The following PTGER3 variants were observed in gnomAD, a reference collection of about 807,000 sequenced individuals.
The protein encoded by PTGER3 is prostaglandin E receptor 3.
A neutral mutation model predicts 34.7 loss-of-function variants in PTGER3; 22 were observed. The ratio of observed to expected loss-of-function variants is 0.63; its 90% confidence interval spans 0.45 to 0.91. The LOEUF (loss-of-function observed/expected upper bound fraction) is 0.91. Ranked by LOEUF, PTGER3 falls within the 40% of genes least tolerant of loss-of-function variation. The probability of loss-of-function intolerance (pLI) is 0.00; values close to 1 mark genes in which losing one functional copy is unlikely to be tolerated. For synonymous variants in PTGER3, 241 were observed against 230.1 expected, an observed-to-expected ratio of 1.05 and a Z score of -0.43; for missense variants, 468 against 519.4, an observed-to-expected ratio of 0.90 and a Z score of 0.96.
intron 4 of PTGER3, among the ~76,000 whole-genome samples, chr1:70,937,666 T>C (rs780512276): frequency 1.3e-5 from 2 of 152,190 alleles, no homozygotes; most frequent in African/African-American, 2.4e-5. Flanking sequence ...CACTCTCACA[T>C]AGAAAATCTA....
intron 4 of PTGER3, among the ~76,000 whole-genome samples, chr1:70,932,174 C>T (rs977017400): frequency 5.3e-5 from 8 of 152,150 alleles, no homozygotes; most frequent in Admixed American, 1.3e-4. Flanking sequence ...ACCTTTACTG[C>T]GGTTCCCAAC....
At chr1:71,020,195 C>T (rs1345367119) in intron 1 of PTGER3, among the ~76,000 whole-genome samples, 2 of 152,224 alleles carry the variant, frequency 1.3e-5, no homozygotes, top group Non-Finnish European at 2.9e-5. Context: ...GGATCCTAGA[C>T]TACTGTTTCA....
intron 4 of PTGER3, among the ~76,000 whole-genome samples, chr1:70,905,755 T>C (rs916574272): frequency 1.3e-5 from 2 of 152,134 alleles, no homozygotes; most frequent in East Asian, 3.8e-4. Context: ...AGATGAGACA[T>C]TGGACTGTGG....
chr1:70,952,960 G>A (rs776024733), exon 4 of PTGER3: 2 of 1,613,120 alleles, frequency 1.2e-6, no homozygotes, highest in African/African-American at 2.7e-5. Flanking sequence ...CTGCTCACGA[G>A]TACCTCCATT....
At chr1:70,948,906 C>T (rs142300360), downstream of PTGER3, among the ~76,000 whole-genome samples, 43 of 152,216 alleles carry the variant, frequency 2.8e-4, no homozygotes, top group Non-Finnish European at 2.4e-4. Flanking sequence ...TCCCTTTAGA[C>T]AGATGTCATA....
intron 2 of PTGER3, chr1:71,009,749 T>C: frequency 1.0e-6 from 1 of 985,162 alleles, no homozygotes; most frequent in Non-Finnish European, 1.2e-6. Flanking sequence ...ATACATGCAT[T>C]TTTCCTGATT....
intron 4 of PTGER3, chr1:70,884,072 G>A (rs745957208): frequency 2.5e-6 from 1 of 401,386 alleles, no homozygotes; most frequent in South Asian, 1.8e-5. Context: ...GGGTGAGAGA[G>A]CAAGACTCCA....
At chr1:71,013,874 G>A (rs962339954) in intron 1 of PTGER3, among the ~76,000 whole-genome samples, 1 of 151,964 alleles carries the variant, frequency 6.6e-6, no homozygotes, top group Non-Finnish European at 1.5e-5. Context: ...TCAAACATGG[G>A]TTCACAATCC....
chr1:70,953,062 A>T (rs1650931422), intron 3 of PTGER3: 1 of 1,582,682 alleles, frequency 6.3e-7, no homozygotes, highest in Admixed American at 1.8e-5. Context: ...CAGATTAACT[A>T]ACCACAGATC....
intron 4 of PTGER3, among the ~76,000 whole-genome samples, chr1:70,915,208 T>C (rs887999283): frequency 2.0e-5 from 3 of 151,966 alleles, no homozygotes; most frequent in Non-Finnish European, 4.4e-5. Flanking sequence ...AAACTTAGAT[T>C]TTTTTAAATT....
chr1:70,991,663 C>A (rs545744448), intron 2 of PTGER3, among the ~76,000 whole-genome samples: 100 of 152,270 alleles, frequency 6.6e-4, no homozygotes, highest in Non-Finnish European at 1.2e-3. Context: ...CCCTCCCAGC[C>A]CTTCGTGTCT....
intron 2 of PTGER3, chr1:71,009,948 T>C: frequency 1.0e-6 from 1 of 985,266 alleles, no homozygotes; most frequent in South Asian, 4.7e-5. Context: ...TTTCATTTCT[T>C]ATCAGGTTTC....
chr1:70,859,333 T>A (rs1163041782), intron 4 of PTGER3, among the ~76,000 whole-genome samples: 1 of 152,236 alleles, frequency 6.6e-6, no homozygotes, highest in African/African-American at 2.4e-5. Flanking sequence ...GTTAGAGTCA[T>A]GTATCTATTT....
chr1:71,010,383 G>C (rs979936492), intron 2 of PTGER3: 1 of 984,620 alleles, frequency 1.0e-6, no homozygotes, highest in Non-Finnish European at 1.2e-6. Context: ...TATGTGCCTT[G>C]CCAATGTGTA....
At chr1:70,927,488 G>A (rs188976893) in intron 4 of PTGER3, among the ~76,000 whole-genome samples, 5 of 152,254 alleles carry the variant, frequency 3.3e-5, no homozygotes, top group African/African-American at 1.2e-4. Context: ...TGATAGAGAG[G>A]ATAGCATTAT....
chr1:70,998,752 T>G (rs758867229), intron 2 of PTGER3, among the ~76,000 whole-genome samples: 1 of 152,220 alleles, frequency 6.6e-6, no homozygotes, highest in Non-Finnish European at 1.5e-5. Context: ...TGTTTGTGAC[T>G]TTACAGCTAG....
At chr1:71,016,601 G>A (rs1463778572) in intron 1 of PTGER3, among the ~76,000 whole-genome samples, 2 of 152,028 alleles carry the variant, frequency 1.3e-5, no homozygotes, top group Admixed American at 1.3e-4. Flanking sequence ...CCAGCAGTTC[G>A]AGACCAGCCT....
At chr1:70,975,104 T>C (rs1358414270) in intron 2 of PTGER3, among the ~76,000 whole-genome samples, 2 of 152,166 alleles carry the variant, frequency 1.3e-5, no homozygotes, top group African/African-American at 2.4e-5. Flanking sequence ...ATGAAACGTA[T>C]AGTTATGTGT....
At chr1:71,010,691 G>A in intron 2 of PTGER3, 1 of 983,802 alleles carries the variant, frequency 1.0e-6, no homozygotes. Flanking sequence ...AGAGATTTTA[G>A]TATAGTCTAT....
Sources: gnomAD v4.1 joint callset for allele counts (sites outside exome capture counted in the v4.1 genomes callset) on GRCh38, gnomAD v4.1.1 for gene constraint, MANE v1.5 for transcripts, NCBI Gene and HGNC (gene_info 2026-07-23, HGNC 2026-07-21) for gene names.